The following BRCA2 variants were observed in gnomAD, a reference collection of about 807,000 sequenced individuals.
BRCA2 encodes breast cancer type 2 susceptibility protein.
Under a neutral mutation model 276.7 loss-of-function variants are expected in BRCA2, and 203 were observed. That is an observed-to-expected ratio of 0.73 (90% confidence interval 0.65 to 0.82). The LOEUF is 0.82. BRCA2 is among the 40% of genes least tolerant of loss of function. The pLI, the probability that BRCA2 is intolerant of heterozygous loss-of-function variation, is 0.00. For missense variants in BRCA2, 3,920 were observed against 3,915.0 expected (o/e 1.00, Z -0.03); for synonymous variants, 1,289 against 1,338.4 (o/e 0.96, Z 0.81).
chr13:32,344,676 A>G (rs758745156), intron 12 of BRCA2, 23 bp downstream of exon 12: 15 of 1,457,320 alleles, frequency 1.0e-5, no homozygotes, highest in South Asian at 3.4e-5. Flanking sequence ...TTTTATTTAT[A>G]TCTGTTCTCC....
intron 8 of BRCA2, among the ~76,000 whole-genome samples, chr13:32,330,491 A>G (rs1183615377): frequency 6.6e-6 from 1 of 152,188 alleles, no homozygotes; most frequent in Non-Finnish European, 1.5e-5. Flanking sequence ...GCCATTGTTA[A>G]GTAAAATAAG....
Position 32,356,456 on chromosome 13 carries a change from A to C in BRCA2, c.7464A>C (p.Arg2488Ser), listed in dbSNP as rs80358969. The C allele has an allele frequency of 6.2e-7, 1 of 1,614,010 alleles. No individual in the cohort carries two copies. The highest frequency in any genetic ancestry group is 8.5e-7 in the Non-Finnish European group (1 of 1,179,862). The part of the protein sequence containing the change: ...LDLITSLQNA[R>S]DIQDMRIKKK... ...TAATTACAAGTCTTCAGAATGCCAG[A>C]GATATACAGGATATGCGAATTAAGA... The change falls in exon 15 of 27, where the codon AGA becomes AGC. Residue 2488 changes from arginine (R) to serine (S), a missense_variant. Physicochemically the swap from Arg to Ser is moderately radical, Grantham distance 110. Around this residue, in one of 2 missense-constraint regions of BRCA2, gnomAD observed 3,263 missense variants for 3,156.9 expected, o/e 1.03. Coordinates refer to ENST00000380152, the MANE Select transcript of BRCA2 (RefSeq NM_000059.4).
intron 3 of BRCA2, among the ~76,000 whole-genome samples, chr13:32,322,026 A>G (rs570667881): frequency 2.0e-5 from 3 of 152,264 alleles, no homozygotes; most frequent in African/African-American, 7.2e-5. Context: ...TTTACTTTAG[A>G]GTTCACCCTT....
intron 3 of BRCA2, 33 bp downstream of exon 3, chr13:32,319,358 C>T (rs1413182960): frequency 1.3e-6 from 2 of 1,582,202 alleles, no homozygotes; most frequent in East Asian, 4.5e-5. Context: ...CTGGGGAGAA[C>T]TACAAACTAG....
rs398122765 is a variant in BRCA2 at position 32,337,762 on chromosome 13, T to C, written c.3407T>C (p.Ile1136Thr). Reference sequence around the variant, plus strand: ...ACTCAGTTTAGAAAACCAAGCTACATATTGCAGAAGAGTACATTTGAAGTG... The same window carrying C: ...ACTCAGTTTAGAAAACCAAGCTACACATTGCAGAAGAGTACATTTGAAGTG... The part of the protein sequence containing the change: ...EFTQFRKPSY[I>T]LQKSTFEVPE... Residue 1136 changes from isoleucine (I) to threonine (T), a missense_variant, in exon 11 of 27, where the codon ATA becomes ACA. Ile to Thr is a moderately conservative substitution (Grantham distance 89). This residue lies in a region of BRCA2 where 3,263 missense variants were observed against 3,156.9 expected (regional missense o/e 1.03). Coordinates refer to ENST00000380152, the MANE Select transcript of BRCA2 (RefSeq NM_000059.4). The C allele has an allele frequency of 6.2e-7, 1 of 1,613,830 alleles. No individual in the cohort carries two copies. The highest frequency in any genetic ancestry group is 8.5e-7 in the Non-Finnish European group (1 of 1,179,900).
intron 24 of BRCA2, among the ~76,000 whole-genome samples, chr13:32,382,130 T>G (rs1429341234): frequency 6.6e-6 from 1 of 152,182 alleles, no homozygotes; most frequent in East Asian, 1.9e-4. Context: ...TTTTTTGTAT[T>G]TTTAGTAGAG....
At chr13:32,378,030 C>G (rs567694900) in intron 21 of BRCA2, among the ~76,000 whole-genome samples, 32 of 152,314 alleles carry the variant, frequency 2.1e-4, no homozygotes, top group Non-Finnish European at 3.7e-4. Context: ...TGTGAGTATA[C>G]TTGCTGCAGG....
rs1239638887 is a variant in BRCA2 at position 32,372,836 on chromosome 13, C to A, written c.8632+1736C>A. 2.6e-5 allele frequency among the ~76,000 whole-genome samples: 4 copies of A among 152,222 alleles called. No homozygotes were observed. In the East Asian group the frequency reaches 7.7e-4, roughly 29 times the overall value. The stretch of plus-strand genomic sequence containing the variant: ...CTGAGACAAGACAAATCTCTTCCAC[C>A]TATGAGCCTGTAAAATCAAAAGCAA... On this transcript the variant is annotated intron_variant, in intron 20 of 26. Transcript: ENST00000380152.
At chr13:32,334,548 T>G (rs2072433841) in intron 10 of BRCA2, among the ~76,000 whole-genome samples, 1 of 151,760 alleles carries the variant, frequency 6.6e-6, no homozygotes, top group Non-Finnish European at 1.5e-5. Context: ...GTGGCATGCT[T>G]CTGATGTTGT....
intron 2 of BRCA2, among the ~76,000 whole-genome samples, chr13:32,317,216 A>C (rs2072269990): frequency 6.6e-6 from 1 of 152,206 alleles, no homozygotes; most frequent in East Asian, 1.9e-4. Context: ...ACAAACAAAC[A>C]AAAAACTAAG....
chr13:32,351,662 CAT>C (rs975819459), intron 13 of BRCA2, among the ~76,000 whole-genome samples: 71 of 152,214 alleles, frequency 4.7e-4, no homozygotes, highest in African/African-American at 1.7e-3. Context: ...CAAGAAGAAA[CAT>C]GTCACTTAGA....
intron 24 of BRCA2, among the ~76,000 whole-genome samples, chr13:32,391,911 A>G (rs1372644056): frequency 1.3e-5 from 2 of 152,214 alleles, no homozygotes; most frequent in Non-Finnish European, 2.9e-5. Context: ...AGGAAACTAC[A>G]CTGTTTACTT....
intron 18 of BRCA2, among the ~76,000 whole-genome samples, chr13:32,365,691 T>C (rs1434231003): frequency 6.6e-6 from 1 of 151,342 alleles, no homozygotes; most frequent in Non-Finnish European, 1.5e-5. Context: ...TTTGTTGTTA[T>C]TTAAATTTCA....
chr13:32,363,144 C>G (rs2137579364), intron 17 of BRCA2, 35 bp from the exon 18 acceptor site: 1 of 1,552,888 alleles, frequency 6.4e-7, no homozygotes, highest in Non-Finnish European at 8.9e-7. Context: ...TAGAGTCACA[C>G]TTCCTAAAAT....
At chr13:32,341,935 T>C (rs1448893453) in intron 11 of BRCA2, among the ~76,000 whole-genome samples, 1 of 151,764 alleles carries the variant, frequency 6.6e-6, no homozygotes, top group Non-Finnish European at 1.5e-5. Flanking sequence ...TTAGTTACAC[T>C]ACTTACATAG....
chr13:32,354,070 G>A (rs930628483), intron 13 of BRCA2, among the ~76,000 whole-genome samples: 11 of 152,194 alleles, frequency 7.2e-5, no homozygotes, highest in Non-Finnish European at 1.3e-4. Flanking sequence ...GAATCAGGAA[G>A]AGGTAAAACC....
intron 24 of BRCA2, among the ~76,000 whole-genome samples, chr13:32,383,866 TAA>T (rs944168419): frequency 6.6e-6 from 1 of 152,006 alleles, no homozygotes; most frequent in Non-Finnish European, 1.5e-5. Context: ...TTATTGGAAA[TAA>T]AAGTCTTGGG....
chr13:32,326,609 C>T lies in BRCA2; in HGVS notation c.627C>T (p.Leu209=), dbSNP rs28897704. ...CACCCACCCTTAGTTCTACTGTGCT[C>T]ATAGGTAATAATAGCAAATGTGTAT... ...ATPPTLSSTV[L]IVRNEEASET... is the part of the protein sequence containing the mutation. Residue 209 remains leucine (L), a synonymous_variant, in exon 7 of 27, where the codon CTC becomes CTT. Transcript: ENST00000380152. The T allele has an allele frequency of 2.5e-6, 4 of 1,590,476 alleles. No individual in the cohort carries two copies. Among genetic ancestry groups the T allele is most frequent in the East Asian group, 2.2e-5 (1 of 44,702 alleles).
intron 18 of BRCA2, among the ~76,000 whole-genome samples, chr13:32,367,505 T>G (rs2072792227): frequency 6.6e-6 from 1 of 151,890 alleles, no homozygotes; most frequent in African/African-American, 2.4e-5. Context: ...TCTATTCTCA[T>G]TGTTTTAAAA....
Sources: gnomAD v4.1 joint callset for allele counts (sites outside exome capture counted in the v4.1 genomes callset) on GRCh38, gnomAD v4.1.1 for gene constraint, gnomAD v4.1.1 regional missense constraint, MANE v1.5 for transcripts, NCBI Gene and HGNC (gene_info 2026-07-23, HGNC 2026-07-21) for gene names.